The following KIAA1217 variants were observed in gnomAD, a reference collection of about 807,000 sequenced individuals.
KIAA1217 encodes sickle tail protein homolog.
A neutral mutation model predicts 163.9 loss-of-function variants in KIAA1217; 88 were observed. The ratio of observed to expected loss-of-function variants is 0.54; its 90% confidence interval spans 0.45 to 0.64. KIAA1217 has a LOEUF of 0.64. Ranked by LOEUF, KIAA1217 falls within the 30% of genes least tolerant of loss-of-function variation. The pLI, the probability that KIAA1217 is intolerant of heterozygous loss-of-function variation, is 0.00. For missense variants in KIAA1217, 2,372 were observed against 2,475.0 expected (o/e 0.96, Z 0.88); for synonymous variants, 903 against 923.1 (o/e 0.98, Z 0.39).
At chr10:23,755,692 A>T (rs1833885793) in intron 1 of KIAA1217, among the ~76,000 whole-genome samples, 1 of 152,148 alleles carries the variant, frequency 6.6e-6, no homozygotes, top group African/African-American at 2.4e-5. Context: ...AAAAAATAGA[A>T]ATGTCAATAG....
chr10:24,086,225 C>T (rs1320965340), intron 2 of KIAA1217, among the ~76,000 whole-genome samples: 1 of 152,162 alleles, frequency 6.6e-6, no homozygotes, highest in East Asian at 1.9e-4. Flanking sequence ...AAAGGAGCCT[C>T]AACAAAGGGA....
chr10:23,919,582 G>T (rs1828459808), intron 1 of KIAA1217, among the ~76,000 whole-genome samples: 1 of 146,192 alleles, frequency 6.8e-6, no homozygotes, highest in Non-Finnish European at 1.5e-5. Context: ...CTCCAGCCTG[G>T]GCGACAAAGC....
intron 1 of KIAA1217, among the ~76,000 whole-genome samples, chr10:23,879,984 G>A (rs1840879624): frequency 6.6e-6 from 1 of 151,850 alleles, no homozygotes; most frequent in African/African-American, 2.4e-5. Context: ...CTTCTAGGTA[G>A]GCAAATGCTT....
chr10:24,172,426 A>G (rs901538676), intron 2 of KIAA1217, among the ~76,000 whole-genome samples: 5 of 152,178 alleles, frequency 3.3e-5, no homozygotes, highest in African/African-American at 1.2e-4. Flanking sequence ...TGTAGTCCCT[A>G]AGAGCACAAA....
At chr10:24,003,828 C>T (rs184948694) in intron 1 of KIAA1217, among the ~76,000 whole-genome samples, 5 of 152,262 alleles carry the variant, frequency 3.3e-5, no homozygotes, top group Non-Finnish European at 7.4e-5. Context: ...TTTCATATTC[C>T]TATTGTTTCC....
chr10:23,931,032 G>C (rs1480528209), intron 1 of KIAA1217, among the ~76,000 whole-genome samples: 1 of 152,120 alleles, frequency 6.6e-6, no homozygotes, highest in African/African-American at 2.4e-5. Context: ...TGTAGCAACA[G>C]AATATTCTAT....
intron 2 of KIAA1217, among the ~76,000 whole-genome samples, chr10:24,139,502 G>A (rs1053566509): frequency 1.3e-5 from 2 of 151,964 alleles, no homozygotes; most frequent in Non-Finnish European, 2.9e-5. Flanking sequence ...ATTTGTTAGA[G>A]TTTGCCTGCT....
intron 6 of KIAA1217, among the ~76,000 whole-genome samples, chr10:24,487,869 T>C (rs2065607864): frequency 6.6e-6 from 1 of 152,212 alleles, no homozygotes; most frequent in Non-Finnish European, 1.5e-5. Flanking sequence ...TCTCATTTAT[T>C]ACCCTCCTCT....
In KIAA1217 at chr10:23,898,851, C is replaced by T. The variant is rs567775430; in HGVS notation, c.-320-108374C>T. Among the ~76,000 whole-genome samples, 12 of 152,108 alleles carry T rather than the reference C, an allele frequency of 7.9e-5. No homozygotes were observed. In the South Asian group the frequency reaches 2.5e-3, roughly 32 times the overall value. On this transcript the variant is annotated intron_variant, in intron 1 of 18. Coordinates refer to the KIAA1217 transcript ENST00000376462. Reference sequence around the variant, plus strand: ...ACAGTATTTGTCTTTTTGTCCCTAGCTTATTTCATTTAGCATAATATTCTC... The same window carrying T: ...ACAGTATTTGTCTTTTTGTCCCTAGTTTATTTCATTTAGCATAATATTCTC...
chr10:24,398,407 T>G (rs960310853), intron 3 of KIAA1217, among the ~76,000 whole-genome samples: 3 of 152,082 alleles, frequency 2.0e-5, no homozygotes, highest in African/African-American at 7.2e-5. Flanking sequence ...ATGGCAAATA[T>G]CCGACTTATT....
chr10:23,755,470 A>G (rs1353323627), intron 1 of KIAA1217, among the ~76,000 whole-genome samples: 3 of 152,212 alleles, frequency 2.0e-5, no homozygotes, highest in Non-Finnish European at 4.4e-5. Flanking sequence ...CTAAAATTCA[A>G]TACTTCTGTT....
chr10:24,274,383 C>G (rs1243549093), intron 2 of KIAA1217, among the ~76,000 whole-genome samples: 2 of 151,140 alleles, frequency 1.3e-5, no homozygotes, highest in African/African-American at 2.4e-5. Flanking sequence ...GAATATTGCT[C>G]TGTCACCCAG....
chr10:23,798,917 C>T (rs11597653), intron 1 of KIAA1217, among the ~76,000 whole-genome samples: 6,144 of 152,258 alleles, frequency 0.04, 159 homozygotes, highest in South Asian at 0.081. Context: ...CAGAGTGTCT[C>T]AAACAACAAC....
intron 1 of KIAA1217, among the ~76,000 whole-genome samples, chr10:23,852,907 T>A (rs1839431012): frequency 6.6e-6 from 1 of 152,216 alleles, no homozygotes; most frequent in Non-Finnish European, 1.5e-5. Context: ...CAGAAGGACA[T>A]TTTGGGCTGA....
At chr10:24,174,709 T>A (rs938539998) in intron 2 of KIAA1217, among the ~76,000 whole-genome samples, 8 of 152,342 alleles carry the variant, frequency 5.3e-5, no homozygotes, top group East Asian at 1.9e-4. Context: ...AGACATTTTT[T>A]AAATTTTATT....
chr10:24,232,284 A>G (rs1198675289), intron 2 of KIAA1217, among the ~76,000 whole-genome samples: 2 of 152,204 alleles, frequency 1.3e-5, no homozygotes, highest in Admixed American at 1.3e-4. Context: ...AAAAACAGCA[A>G]AGGAATCCTA....
At chr10:23,736,267 T>C (rs538869292) in intron 1 of KIAA1217, among the ~76,000 whole-genome samples, 1 of 152,372 alleles carries the variant, frequency 6.6e-6, no homozygotes, top group Non-Finnish European at 1.5e-5. Flanking sequence ...GATCCTTTGT[T>C]GTGATATGTG....
chr10:23,751,252 T>C (rs1839723231), intron 1 of KIAA1217, among the ~76,000 whole-genome samples: 1 of 152,100 alleles, frequency 6.6e-6, no homozygotes, highest in South Asian at 2.1e-4. Flanking sequence ...GGTCTCAAAC[T>C]CCTGAGCTCA....
chr10:23,820,937 C>T (rs994367978), intron 1 of KIAA1217, among the ~76,000 whole-genome samples: 14 of 152,046 alleles, frequency 9.2e-5, no homozygotes, highest in Admixed American at 3.3e-4. Flanking sequence ...AGAGATATTC[C>T]ATTTGCATAT....
Sources: gnomAD v4.1 joint callset for allele counts (sites outside exome capture counted in the v4.1 genomes callset) on GRCh38, gnomAD v4.1.1 for gene constraint, MANE v1.5 for transcripts, NCBI Gene and HGNC (gene_info 2026-07-23, HGNC 2026-07-21) for gene names.